The following KIAA1210 variants were observed in gnomAD, a reference collection of about 807,000 sequenced individuals.
KIAA1210 encodes KIAA1210, also known as acrosomal protein KIAA1210.
KIAA1210 carries 48 observed loss-of-function variants against 78.9 expected under a neutral mutation model. That is an observed-to-expected ratio of 0.61 (90% CI 0.48 to 0.77). KIAA1210 has a LOEUF of 0.77. Ranked by LOEUF, KIAA1210 falls within the 30% of genes least tolerant of loss-of-function variation. The probability of loss-of-function intolerance (pLI) is 0.00; values close to 1 mark genes in which losing one functional copy is unlikely to be tolerated. For missense variants in KIAA1210, 1,108 were observed against 1,100.0 expected (o/e 1.01, Z -0.10); for synonymous variants, 406 against 404.5 (o/e 1.00, Z -0.04).
chrX:119,118,995 C>T (rs767122244), intron 2 of KIAA1210, among the ~76,000 whole-genome samples: 1 of 112,085 alleles, frequency 8.9e-6, no homozygotes, highest in East Asian at 2.8e-4. Flanking sequence ...CACTGGGGAG[C>T]GCAGAATACC....
intron 2 of KIAA1210, among the ~76,000 whole-genome samples, chrX:119,140,203 T>A (rs1929015083): frequency 8.9e-6 from 1 of 111,824 alleles, no homozygotes; most frequent in African/African-American, 3.3e-5. Context: ...TACTTTCAGA[T>A]TGTTTAGAAA....
upstream of KIAA1210, among the ~76,000 whole-genome samples, chrX:119,128,313 G>A (rs1196553372): frequency 9.0e-6 from 1 of 110,925 alleles, no homozygotes; most frequent in Non-Finnish European, 1.9e-5. Context: ...TCAGCCTCCT[G>A]CTCCAAATCC....
At chrX:119,095,151 A>C (rs1421771809) in intron 7 of KIAA1210, among the ~76,000 whole-genome samples, 1 of 112,385 alleles carries the variant, frequency 8.9e-6, no homozygotes, top group Non-Finnish European at 1.9e-5. Context: ...AAGTCAGAAG[A>C]CTGGATTCTG....
Position 119,085,395 on chromosome X carries a change from C to T in KIAA1210, c.4308G>A (p.Glu1436=), listed in dbSNP as rs777751785. ...SNAGADAETK[E]PKYEGAGSAN... is the part of the protein sequence containing the mutation. ...CCCCAGGTCCTACCTCATATTTAGG[C>T]TCCTTAGTCTCAGCATCGGCTCCAG... The change falls in exon 10 of 12, where the codon GAG becomes GAA. Residue 1436 remains glutamate (E), a synonymous_variant. Coordinates refer to ENST00000691062, the MANE Select transcript of KIAA1210 (RefSeq NM_001394962.1). 1.7e-6 allele frequency: 2 copies of T among 1,209,142 alleles called. No individual in the cohort carries two copies. Among genetic ancestry groups the T allele is most frequent in the Non-Finnish European group, 2.2e-6 (2 of 894,482 alleles).
At chrX:119,093,380 A>T (rs1403322804) in intron 8 of KIAA1210, among the ~76,000 whole-genome samples, 4 of 112,382 alleles carry the variant, frequency 3.6e-5, no homozygotes, top group Non-Finnish European at 7.5e-5. Context: ...CTCGGAGAGG[A>T]TGAAACAAAT....
intron 3 of KIAA1210, among the ~76,000 whole-genome samples, chrX:119,111,047 T>C (rs967923147): frequency 1.8e-5 from 2 of 111,217 alleles, no homozygotes; most frequent in Admixed American, 9.6e-5. Context: ...CAAAGCTTAC[T>C]ATAAAACTAC....
chrX:119,113,412 CT>C (rs1324424950), intron 3 of KIAA1210, among the ~76,000 whole-genome samples: 2 of 111,609 alleles, frequency 1.8e-5, no homozygotes, highest in African/African-American at 6.5e-5. Context: ...ATAAATGACC[CT>C]TGAAAACATA....
chrX:119,094,071 C>A (rs781735063), intron 7 of KIAA1210: 15 of 1,203,028 alleles, frequency 1.2e-5, no homozygotes, highest in Non-Finnish European at 1.6e-5. Context: ...CTGGAAATGA[C>A]TGAACCACAC....
intron 7 of KIAA1210, among the ~76,000 whole-genome samples, chrX:119,095,503 C>T (rs907826649): frequency 2.7e-5 from 3 of 111,637 alleles, no homozygotes; most frequent in African/African-American, 9.8e-5. Context: ...ATTCTCCTGC[C>T]TCAGCCTCCA....
intron 2 of KIAA1210, among the ~76,000 whole-genome samples, chrX:119,146,594 T>C (rs904727568): frequency 8.9e-6 from 1 of 112,209 alleles, no homozygotes; most frequent in Non-Finnish European, 1.9e-5. Context: ...TGTAAATAAC[T>C]GAAAGAAAAA....
At chrX:119,150,520 G>A (rs1429805198) in exon 1 of KIAA1210, 2 of 1,210,684 alleles carry the variant, frequency 1.7e-6, no homozygotes, top group Non-Finnish European at 2.2e-6. Flanking sequence ...AGGGGTGCCG[G>A]CCAGGAAGGA....
intron 2 of KIAA1210, among the ~76,000 whole-genome samples, chrX:119,144,217 G>A (rs908962021): frequency 8.9e-6 from 1 of 112,468 alleles, no homozygotes; most frequent in Non-Finnish European, 1.9e-5. Context: ...TGCCTGGGCT[G>A]TCCTGCCATA....
chrX:119,116,425 G>A (rs1273192474), intron 3 of KIAA1210, 71 bp downstream of exon 3: 58 of 1,084,300 alleles, frequency 5.3e-5, no homozygotes, highest in Non-Finnish European at 6.0e-5. Context: ...TTTGGCTGCC[G>A]AAAGGTGACC....
chrX:119,150,516 G>A (rs746377575), exon 1 of KIAA1210: 10 of 1,209,050 alleles, frequency 8.3e-6, no homozygotes, highest in Non-Finnish European at 1.0e-5. Flanking sequence ...AGGTAGGGGT[G>A]CCGGCCAGGA....
Position 119,125,714 on chromosome X carries a change from C to CAT in KIAA1210, c.-11+2011_-11+2012dup, listed in dbSNP as rs1193124266. Reference sequence around the variant, plus strand: ...CGTGCTCCACCATGCCCAGCTAATACATATATATATATATATATATATTTT... The same window carrying CAT: ...CGTGCTCCACCATGCCCAGCTAATACATATATATATATATATATATATATTTT... On this transcript the variant is annotated intron_variant, in intron 1 of 11. Coordinates refer to ENST00000691062, the MANE Select transcript of KIAA1210 (RefSeq NM_001394962.1). 3.2e-3 allele frequency among the ~76,000 whole-genome samples: 14 copies of CAT among 4,438 alleles called. 1 individual carries two copies. Among genetic ancestry groups the CAT allele is most frequent in the Non-Finnish European group, 0.015 (9 of 618 alleles). The allele number at this position is 4,438 out of a possible 115,157, so 3.9% of individuals were successfully genotyped here. A position where few individuals can be genotyped will look rare whatever the true frequency, so the allele number is the denominator to read the frequency against.
rs1401371765 is a variant in KIAA1210, at chrX:119,081,056, G to T, written c.*273C>A. ...AGGCGGGCGGATCACGAGGTCAGGAGATCAAGACCATCCTGGCCAACATGG... is the reference window on the plus strand; with the variant it reads ...AGGCGGGCGGATCACGAGGTCAGGATATCAAGACCATCCTGGCCAACATGG... On this transcript the variant is annotated 3_prime_UTR_variant, in exon 12 of 12. Coordinates refer to ENST00000691062, the MANE Select transcript of KIAA1210 (RefSeq NM_001394962.1). The T allele has an allele frequency of 1.1e-5, 2 of 187,641 alleles. No homozygotes were observed. Among genetic ancestry groups the T allele is most frequent in the East Asian group, 2.1e-4 (2 of 9,486 alleles). 15.5% of individuals were successfully genotyped at this position (187,641 alleles called of 1,213,427 possible).
chrX:119,088,383 G>A lies in KIAA1210; in HGVS notation c.2319C>T (p.His773=), dbSNP rs1482681774. 1 of 1,210,804 alleles carries A rather than the reference G, an allele frequency of 8.3e-7. No individual in the cohort carries two copies. ...SDSVEPIPPR[H]PFQPWVNPKV... The stretch of plus-strand genomic sequence containing the variant: ...TAGGGTTCACCCATGGCTGGAAAGG[G>A]TGTCTTGGAGGGATTGGCTCCACGG... The change falls in exon 9 of 12, where the codon CAC becomes CAT. Residue 773 remains histidine, a synonymous_variant. Coordinates refer to ENST00000691062, the MANE Select transcript of KIAA1210 (RefSeq NM_001394962.1).
chrX:119,123,598 C>T lies in KIAA1210; in HGVS notation c.45G>A (p.Leu15=). Residue 15 remains leucine, a synonymous_variant, in exon 2 of 12, where the codon CTG becomes CTA. Coordinates refer to ENST00000691062, the MANE Select transcript of KIAA1210 (RefSeq NM_001394962.1). The part of the protein sequence containing the change: ...LSEISDSLDV[L]EAGDEGKKKC... ...GTTACTTACCCTCATCACCGGCCTCCAGAACATCCAGACTGTCAGAAATTT... is the reference window on the plus strand; with the variant it reads ...GTTACTTACCCTCATCACCGGCCTCTAGAACATCCAGACTGTCAGAAATTT... The T allele has an allele frequency of 8.3e-7, 1 of 1,199,866 alleles. No individual in the cohort carries two copies.
At chrX:119,107,140 A>G (rs1387551381) in intron 5 of KIAA1210, among the ~76,000 whole-genome samples, 1 of 112,755 alleles carries the variant, frequency 8.9e-6, no homozygotes, top group African/African-American at 3.2e-5. Flanking sequence ...CAGGGTATCA[A>G]CTAAGGGATC....
Sources: gnomAD v4.1 joint callset for allele counts (sites outside exome capture counted in the v4.1 genomes callset) on GRCh38, gnomAD v4.1.1 for gene constraint, MANE v1.5 for transcripts, NCBI Gene and HGNC (gene_info 2026-07-23, HGNC 2026-07-21) for gene names.